The following CUX1 variants were observed in gnomAD, a reference collection of about 807,000 sequenced individuals.
The protein encoded by CUX1 is cut like homeobox 1, also known as protein CASP.
Under a neutral mutation model 158.8 loss-of-function variants are expected in CUX1, and 31 were observed. That is an observed-to-expected ratio of 0.20 (90% CI 0.15 to 0.26). CUX1 has a LOEUF of 0.26. Ranked by LOEUF, CUX1 falls within the 10% of genes least tolerant of loss-of-function variation. CUX1 has a pLI of 1.00. For synonymous variants in CUX1, 879 were observed against 862.1 expected (o/e 1.02, Z -0.34); for missense variants, 1,589 against 2,014.6 (o/e 0.79, Z 4.04).
At chr7:102,198,941 G>A in intron 16 of CUX1, 74 bp downstream of exon 16, 1 of 1,361,948 alleles carries the variant, frequency 7.3e-7, no homozygotes, top group Non-Finnish European at 1.1e-6. Context: ...GTGTATTTGG[G>A]TTAAAACTGT....
At position 102,252,580 on chromosome 7, in the gene CUX1, G is replaced by A; in HGVS notation, c.*3538G>A. The A allele has an allele frequency of 1.0e-6, 1 of 985,446 alleles. No homozygotes were observed. Among genetic ancestry groups the A allele is most frequent in the East Asian group, 1.1e-4 (1 of 8,820 alleles). The allele number at this position is 985,446 out of a possible 1,614,324, so 61.0% of individuals were successfully genotyped here. On this transcript the variant is annotated 3_prime_UTR_variant, in exon 24 of 24. Coordinates refer to ENST00000292535, the MANE Select transcript of CUX1 (RefSeq NM_181552.4). The stretch of plus-strand genomic sequence containing the variant: ...CCATTAACTTAGCTGGCTAAGCAGA[G>A]GCTCGGGGTAAAATCAGTGTTTGCA...
At chr7:101,948,961 G>C (rs1008338544) in intron 2 of CUX1, among the ~76,000 whole-genome samples, 2 of 152,204 alleles carry the variant, frequency 1.3e-5, no homozygotes, top group African/African-American at 4.8e-5. Context: ...GATAAGCACA[G>C]AAGTTCAGAG....
chr7:102,172,942 T>G (rs1019151767), intron 10 of CUX1, among the ~76,000 whole-genome samples: 1 of 151,870 alleles, frequency 6.6e-6, no homozygotes. Flanking sequence ...GTGCCTGTAG[T>G]CCCAGCTACT....
At chr7:102,002,518 C>T (rs545656306) in intron 2 of CUX1, among the ~76,000 whole-genome samples, 23 of 152,322 alleles carry the variant, frequency 1.5e-4, no homozygotes, top group Admixed American at 1.4e-3. Context: ...TTGGGGCTCT[C>T]AGGTCCCATA....
intron 1 of CUX1, among the ~76,000 whole-genome samples, chr7:101,821,138 AT>A (rs1410962055): frequency 1.3e-5 from 2 of 152,134 alleles, no homozygotes; most frequent in Admixed American, 1.3e-4. Flanking sequence ...AGAGCAAAGA[AT>A]TTGTGAATTC....
chr7:101,875,738 C>T (rs1462976047), intron 1 of CUX1, among the ~76,000 whole-genome samples: 1 of 152,178 alleles, frequency 6.6e-6, no homozygotes. Flanking sequence ...GGGAGCTCTG[C>T]TTTTTCTACC....
intron 2 of CUX1, among the ~76,000 whole-genome samples, chr7:101,923,820 A>T (rs1164927989): frequency 6.6e-6 from 1 of 152,146 alleles, no homozygotes; most frequent in Non-Finnish European, 1.5e-5. Flanking sequence ...CCCACCTTGC[A>T]ACAGGGAGCA....
At chr7:101,856,754 C>T (rs1796880242) in intron 1 of CUX1, among the ~76,000 whole-genome samples, 1 of 152,206 alleles carries the variant, frequency 6.6e-6, no homozygotes, top group African/African-American at 2.4e-5. Context: ...GAGGAGTTGA[C>T]AGGTTTTCCT....
Position 102,189,800 on chromosome 7 carries a change from T to A in CUX1, c.1018-13T>A. The A allele has an allele frequency of 6.2e-7, 1 of 1,614,170 alleles. No individual in the cohort carries two copies. Among genetic ancestry groups the A allele is most frequent in the South Asian group, 1.1e-5 (1 of 91,088 alleles). On this transcript the variant is annotated splice_polypyrimidine_tract_variant and intron_variant, in intron 11 of 23. Coordinates refer to ENST00000292535, the MANE Select transcript of CUX1 (RefSeq NM_181552.4). ...CAGGCATGGCCACTGATCAAATTCT[T>A]CTCTGTTTTCAGCAACTGGAAGAAA...
At chr7:102,098,849 C>T (rs1189798781) in intron 5 of CUX1, among the ~76,000 whole-genome samples, 12 of 106,338 alleles carry the variant, frequency 1.1e-4, no homozygotes, top group African/African-American at 2.6e-4. Flanking sequence ...TAAGTAGAGA[C>T]GGGATTTCAC....
intron 11 of CUX1, among the ~76,000 whole-genome samples, chr7:102,182,237 C>T (rs1793177183): frequency 6.6e-6 from 1 of 152,200 alleles, no homozygotes; most frequent in South Asian, 2.1e-4. Flanking sequence ...TGTTTGGTGA[C>T]AGTCACTTGG....
At chr7:101,905,886 C>T (rs1458782354) in intron 1 of CUX1, among the ~76,000 whole-genome samples, 1 of 152,054 alleles carries the variant, frequency 6.6e-6, no homozygotes, top group Non-Finnish European at 1.5e-5. Flanking sequence ...CAGGGTCTTG[C>T]TCTGTCGCCC....
Position 101,857,177 on chromosome 7 carries a change from C to A in CUX1, c.30+39508C>A, listed in dbSNP as rs111447710. Among the ~76,000 whole-genome samples the A allele has an allele frequency of 7.0e-3, 1,065 of 152,336 alleles. 14 individuals carry two copies. Among genetic ancestry groups the A allele is most frequent in the African/African-American group, 0.024 (980 of 41,586 alleles). On this transcript the variant is annotated intron_variant, in intron 1 of 23. Coordinates refer to ENST00000292535, the MANE Select transcript of CUX1 (RefSeq NM_181552.4). ...GTTAGCGTCACGTGGGTCCTGATGT[C>A]CTCCCTCTCCCAGGCCTCTGCTTAT...
At chr7:102,043,927 A>G (rs899367620) in intron 3 of CUX1, among the ~76,000 whole-genome samples, 2 of 152,240 alleles carry the variant, frequency 1.3e-5, no homozygotes, top group Middle Eastern at 3.4e-3. Flanking sequence ...TTTTGAGTCA[A>G]ATTTTCCAGA....
intron 3 of CUX1, among the ~76,000 whole-genome samples, chr7:102,047,578 A>G (rs1408197336): frequency 3.7e-5 from 5 of 136,814 alleles, no homozygotes; most frequent in Non-Finnish European, 4.8e-5. Context: ...GTCTAGAGGT[A>G]GGGAGGGAGG....
chr7:101,981,593 G>A (rs1441842901), intron 2 of CUX1, among the ~76,000 whole-genome samples: 1 of 152,024 alleles, frequency 6.6e-6, no homozygotes, highest in African/African-American at 2.4e-5. Flanking sequence ...GAATGCAAAT[G>A]TCAGAGGCTC....
At chr7:102,137,069 T>G (rs1833984608) in intron 8 of CUX1, among the ~76,000 whole-genome samples, 1 of 152,208 alleles carries the variant, frequency 6.6e-6, no homozygotes, top group Admixed American at 6.5e-5. Flanking sequence ...GTGCACCCTG[T>G]GTGACACTCA....
chr7:101,971,065 C>A (rs1285036106), intron 2 of CUX1, among the ~76,000 whole-genome samples: 1 of 152,212 alleles, frequency 6.6e-6, no homozygotes, highest in Middle Eastern at 3.2e-3. Context: ...TTAATCCTGA[C>A]AACAGTCCTG....
At chr7:101,951,791 G>GC (rs1200320204) in intron 2 of CUX1, among the ~76,000 whole-genome samples, 1 of 152,218 alleles carries the variant, frequency 6.6e-6, no homozygotes, top group Non-Finnish European at 1.5e-5. Context: ...ACAGGTATGG[G>GC]CCACTGCATT....
Sources: allele counts gnomAD v4.1 joint callset (sites outside exome capture counted in the v4.1 genomes callset), GRCh38; gene constraint gnomAD v4.1.1; transcripts MANE v1.5; gene names NCBI Gene and HGNC (gene_info 2026-07-23, HGNC 2026-07-21).